The following VAC14 variants were observed in gnomAD, a reference collection of about 807,000 sequenced individuals.
VAC14 encodes the protein protein VAC14 homolog.
Under a neutral mutation model 85.3 loss-of-function variants are expected in VAC14, and 47 were observed. The ratio of observed to expected loss-of-function variants is 0.55; its 90% CI spans 0.44 to 0.70. VAC14 has a LOEUF of 0.70. VAC14 is among the 30% of genes least tolerant of loss of function. VAC14 has a pLI of 0.00. For missense variants in VAC14, 861 were observed against 1,004.3 expected, an observed-to-expected ratio of 0.86 and a Z score of 1.93; for synonymous variants, 447 against 430.5, an observed-to-expected ratio of 1.04 and a Z score of -0.47.
Position 70,729,021 on chromosome 16 carries a change from A to C in VAC14, c.1661+2474T>G, listed in dbSNP as rs184174980. ...CATGGAAATCTTCCTCTTTTGGCCA[A>C]TGAAGGTTAAGAATCCATTTCTGTC... On this transcript the variant is annotated intron_variant, in intron 14 of 18. Transcript: ENST00000261776. Among the ~76,000 whole-genome samples, 70 of 152,312 alleles carry C rather than the reference A, an allele frequency of 4.6e-4. No individual in the cohort carries two copies. In the East Asian group the frequency reaches 7.9e-3, roughly 17 times the overall value.
chr16:70,698,847 C>T (rs747978515), intron 14 of VAC14, 36 bp from the exon 15 acceptor site: 23 of 1,608,686 alleles, frequency 1.4e-5, no homozygotes, highest in East Asian at 6.7e-5. Context: ...GGGCGCAGGC[C>T]GACCTGGAAG....
chr16:70,688,865 C>T (rs2053546968), intron 18 of VAC14: 1 of 985,588 alleles, frequency 1.0e-6, no homozygotes, highest in Non-Finnish European at 1.2e-6. Flanking sequence ...CACCCTCCAG[C>T]AGTGTCTCAT....
intron 13 of VAC14, among the ~76,000 whole-genome samples, chr16:70,740,239 G>A (rs147396296): frequency 6.6e-6 from 1 of 152,222 alleles, no homozygotes; most frequent in Non-Finnish European, 1.5e-5. Context: ...GGGACTATAG[G>A]AGTGAGCCAA....
chr16:70,763,063 C>T, intron 10 of VAC14, 38 bp from the exon 11 acceptor site: 5 of 1,612,850 alleles, frequency 3.1e-6, no homozygotes, highest in Non-Finnish European at 4.2e-6. Context: ...GAGGTGAAGC[C>T]CACCATAGCC....
chr16:70,703,892 A>C (rs1278893043), intron 14 of VAC14, among the ~76,000 whole-genome samples: 1 of 152,206 alleles, frequency 6.6e-6, no homozygotes, highest in African/African-American at 2.4e-5. Context: ...GCCAAGGCTA[A>C]GGCTCATGCT....
chr16:70,749,227 C>T (rs1004496750), intron 12 of VAC14, among the ~76,000 whole-genome samples: 2 of 152,246 alleles, frequency 1.3e-5, no homozygotes, highest in East Asian at 1.9e-4. Flanking sequence ...ACAGCAGTGC[C>T]CACACCAAGG....
intron 14 of VAC14, among the ~76,000 whole-genome samples, chr16:70,719,900 A>T (rs1178846870): frequency 6.6e-6 from 1 of 152,232 alleles, no homozygotes; most frequent in African/African-American, 2.4e-5. Context: ...CAAAAGGCAC[A>T]TAAGAAAGCA....
At chr16:70,772,032 G>A in intron 10 of VAC14, 77 bp downstream of exon 10, 1 of 1,395,476 alleles carries the variant, frequency 7.2e-7, no homozygotes, top group Non-Finnish European at 1.0e-6. Context: ...TTGGGTCATT[G>A]CTGTAGTCTC....
At chr16:70,701,883 C>A (rs1045978428) in intron 14 of VAC14, among the ~76,000 whole-genome samples, 1 of 152,238 alleles carries the variant, frequency 6.6e-6, no homozygotes. Flanking sequence ...GCCCTAGAGG[C>A]TCTGCCTGCT....
intron 13 of VAC14, among the ~76,000 whole-genome samples, chr16:70,737,284 C>T (rs1302419689): frequency 6.6e-6 from 1 of 152,172 alleles, no homozygotes; most frequent in Non-Finnish European, 1.5e-5. Flanking sequence ...CAGGGCACGC[C>T]CTCCAACACT....
At chr16:70,745,472 GAGGGGCTT>G (rs2030777321) in intron 12 of VAC14, among the ~76,000 whole-genome samples, 1 of 149,910 alleles carries the variant, frequency 6.7e-6, no homozygotes, top group Non-Finnish European at 1.5e-5. Context: ...GCCCTGTTGG[GAGGGGCTT>G]CAGTGTGTGT....
chr16:70,688,023 G>A lies in VAC14; in HGVS notation c.2254C>T (p.Leu752=), dbSNP rs760623041. Residue 752 remains leucine, a synonymous_variant, in exon 19 of 19, where the codon CTG becomes TTG. Coordinates refer to ENST00000261776, the MANE Select transcript of VAC14 (RefSeq NM_018052.5). ...TTCTGGACCTTCTCAAAGTGCTGCAGCAGCTCTGCGTAGTCGATGCTAGGG... is the reference window on the plus strand; with the variant it reads ...TTCTGGACCTTCTCAAAGTGCTGCAACAGCTCTGCGTAGTCGATGCTAGGG... The part of the protein sequence containing the change: ...DSPSIDYAEL[L]QHFEKVQNKH... 12 of 1,606,820 alleles carry A rather than the reference G, an allele frequency of 7.5e-6. No homozygotes were observed. The highest frequency in any genetic ancestry group is 1.0e-5 in the Non-Finnish European group (12 of 1,175,864).
chr16:70,773,278 T>C (rs2033341193), intron 9 of VAC14: 1 of 152,260 alleles, frequency 6.6e-6, no homozygotes, highest in African/African-American at 2.4e-5. Context: ...GTGACTGCAC[T>C]GTGTCTGTGC....
chr16:70,786,155 A>C, intron 2 of VAC14, 60 bp downstream of exon 2: 1 of 1,584,222 alleles, frequency 6.3e-7, no homozygotes, highest in Non-Finnish European at 8.6e-7. Context: ...AGGCATCGGG[A>C]TGGCTTGGTC....
At chr16:70,691,939 G>A in intron 18 of VAC14, 2 of 985,354 alleles carry the variant, frequency 2.0e-6, no homozygotes, top group South Asian at 4.7e-5. Context: ...CCTGCTGAGT[G>A]GCTCTAACAG....
intron 13 of VAC14, among the ~76,000 whole-genome samples, chr16:70,741,930 A>G (rs1178098103): frequency 2.6e-5 from 4 of 152,132 alleles, no homozygotes; most frequent in Admixed American, 2.6e-4. Context: ...TGCAGGGCCC[A>G]CCAGGGACCC....
At chr16:70,706,904 G>A (rs1404092069) in intron 14 of VAC14, among the ~76,000 whole-genome samples, 2 of 152,088 alleles carry the variant, frequency 1.3e-5, no homozygotes, top group African/African-American at 2.4e-5. Flanking sequence ...GGAGTCTCAC[G>A]GCCAATAAAT....
At chr16:70,696,565 T>C (rs1159944515) in intron 16 of VAC14, among the ~76,000 whole-genome samples, 1 of 152,152 alleles carries the variant, frequency 6.6e-6, no homozygotes. Flanking sequence ...AGTGCTGAGG[T>C]GAGAATGGGT....
At chr16:70,690,051 GT>G (rs1211963583) in intron 18 of VAC14, 1 of 985,520 alleles carries the variant, frequency 1.0e-6, no homozygotes, top group Non-Finnish European at 1.2e-6. Flanking sequence ...AAGGCCTTAG[GT>G]TAGGGGAGCT....
Sources: allele counts gnomAD v4.1 joint callset (sites outside exome capture counted in the v4.1 genomes callset), GRCh38; gene constraint gnomAD v4.1.1; transcripts MANE v1.5; gene names NCBI Gene and HGNC (gene_info 2026-07-23, HGNC 2026-07-21).